Variants in GFPT1 observed in about 807,000 individuals in gnomAD.
The protein encoded by GFPT1 is glutamine--fructose-6-phosphate aminotransferase [isomerizing] 1.
GFPT1 carries 40 observed loss-of-function variants against 92.0 expected under a neutral mutation model. The ratio of observed to expected loss-of-function variants is 0.43; its 90% confidence interval spans 0.34 to 0.57. The LOEUF is 0.57. GFPT1 is among the 20% of genes least tolerant of loss of function. GFPT1 has a pLI of 0.02. For synonymous variants in GFPT1, 269 were observed against 280.6 expected (o/e 0.96, Z 0.41); for missense variants, 448 against 869.1 (o/e 0.52, Z 6.09).
chr2:69,362,023 C>G (rs1671484531), intron 4 of GFPT1, among the ~76,000 whole-genome samples: 1 of 152,080 alleles, frequency 6.6e-6, no homozygotes, highest in Admixed American at 6.6e-5. Flanking sequence ...TACACACATA[C>G]ACACTTTTGT....
At position 69,321,659 on chromosome 2, in the gene GFPT1, C is replaced by T. The variant is rs540786346; in HGVS notation, c.*4530G>A. The T allele has an allele frequency of 2.0e-5, 3 of 152,128 alleles. No individual in the cohort carries two copies. Among genetic ancestry groups the T allele is most frequent in the Non-Finnish European group, 4.4e-5 (3 of 68,012 alleles). The allele number at this position is 152,128 out of a possible 1,614,324, so 9.4% of individuals were successfully genotyped here. On this transcript the variant is annotated 3_prime_UTR_variant, in exon 20 of 20. Coordinates refer to ENST00000357308, the MANE Select transcript of GFPT1 (RefSeq NM_001244710.2). The stretch of plus-strand genomic sequence containing the variant: ...AAAACTGAAACAAAGCAAAGATGAT[C>T]CTAAAATTTCCACTTCTCAAGAAGT...
At chr2:69,355,162 T>G (rs939572061) in intron 7 of GFPT1, among the ~76,000 whole-genome samples, 1 of 152,116 alleles carries the variant, frequency 6.6e-6, no homozygotes, top group Non-Finnish European at 1.5e-5. Flanking sequence ...ACTGCAGCCT[T>G]GACCTCCTGG....
intron 5 of GFPT1, 93 bp downstream of exon 5, chr2:69,359,175 T>C (rs1671410195): frequency 1.3e-6 from 1 of 772,760 alleles, no homozygotes; most frequent in African/African-American, 1.7e-5. Context: ...ATGACACACA[T>C]ATGGTGTTTG....
At chr2:69,340,623 C>A (rs578155568) in intron 13 of GFPT1, among the ~76,000 whole-genome samples, 1 of 151,542 alleles carries the variant, frequency 6.6e-6, no homozygotes. Context: ...AGAGTGTAGT[C>A]AGTTATTCAG....
intron 13 of GFPT1, among the ~76,000 whole-genome samples, chr2:69,339,792 G>A (rs1329230722): frequency 6.6e-6 from 1 of 151,976 alleles, no homozygotes; most frequent in Non-Finnish European, 1.5e-5. Context: ...CTTTGATTTG[G>A]CATTTTTTAA....
intron 9 of GFPT1, 106 bp from the exon 10 acceptor site, chr2:69,350,289 A>G: frequency 1.3e-6 from 1 of 787,606 alleles, no homozygotes; most frequent in East Asian, 2.7e-5. Flanking sequence ...TAGCAACACA[A>G]AACAATTTTA....
At chr2:69,343,458 T>C (rs1455385241) in intron 12 of GFPT1, among the ~76,000 whole-genome samples, 2 of 151,866 alleles carry the variant, frequency 1.3e-5, no homozygotes, top group Admixed American at 6.6e-5. Flanking sequence ...TAGCCCAAGC[T>C]GGAGTGCAGT....
intron 12 of GFPT1, among the ~76,000 whole-genome samples, chr2:69,343,363 T>C (rs1671001825): frequency 6.6e-6 from 1 of 151,686 alleles, no homozygotes; most frequent in African/African-American, 2.4e-5. Flanking sequence ...CTGCTCTCTC[T>C]GAACCATTTT....
chr2:69,340,031 AAGAT>A (rs1347178781), intron 13 of GFPT1, among the ~76,000 whole-genome samples: 1 of 152,128 alleles, frequency 6.6e-6, no homozygotes, highest in Non-Finnish European at 1.5e-5. Flanking sequence ...AGAAGAGAGA[AAGAT>A]AGAAATCTGG....
At position 69,387,191 on chromosome 2, in the gene GFPT1, C is replaced by A; in HGVS notation, c.-120G>T. ...GGCCGGGGTGGCGCCGACACGACTC[C>A]CTCGGGGATGCGACGGCCAAGGCAA... is the stretch of plus-strand genomic sequence containing the variant. On this transcript the variant is annotated 5_prime_UTR_variant, in exon 1 of 20. Transcript: ENST00000357308. 1 of 1,143,128 alleles carries A rather than the reference C, an allele frequency of 8.7e-7. No individual in the cohort carries two copies. The highest frequency in any genetic ancestry group is 1.6e-5 in the South Asian group (1 of 64,044). The allele number at this position is 1,143,128 out of a possible 1,614,324, so 70.8% of individuals were successfully genotyped here. A position where few individuals can be genotyped will look rare whatever the true frequency, so the allele number is the denominator to read the frequency against.
Position 69,352,031 on chromosome 2 carries a change from G to A in GFPT1, c.740-1848C>T, listed in dbSNP as rs186205840. On this transcript the variant is annotated intron_variant, in intron 9 of 19. Coordinates refer to ENST00000357308, the MANE Select transcript of GFPT1 (RefSeq NM_001244710.2). ...AATCCCAGCACTTTGGGAGGCCGAG[G>A]TGGGCAGATCACTTGAGGTCAGGAG... is the stretch of plus-strand genomic sequence containing the variant. Among the ~76,000 whole-genome samples, 5 of 152,248 alleles carry A rather than the reference G, an allele frequency of 3.3e-5. No homozygotes were observed. The East Asian group carries it at 9.6e-4, about 29-fold the overall frequency.
intron 7 of GFPT1, 92 bp downstream of exon 7, chr2:69,356,404 T>TTTA: frequency 2.2e-6 from 2 of 904,062 alleles, no homozygotes; most frequent in Non-Finnish European, 3.8e-6. Flanking sequence ...GGGCAGAGCC[T>TTTA]TTATAATAAA....
intron 4 of GFPT1, among the ~76,000 whole-genome samples, chr2:69,362,118 G>A (rs1671488854): frequency 6.6e-6 from 1 of 152,130 alleles, no homozygotes; most frequent in African/African-American, 2.4e-5. Context: ...AGGGGAATAA[G>A]AGGAAACAGA....
chr2:69,375,889 G>A (rs181567845), intron 1 of GFPT1, among the ~76,000 whole-genome samples: 24 of 152,310 alleles, frequency 1.6e-4, no homozygotes, highest in South Asian at 1.2e-3. Flanking sequence ...GAGTGGTAGC[G>A]GCACAGCAAT....
At position 69,345,978 on chromosome 2, in the gene GFPT1, T is replaced by C. The variant is rs1445077565; in HGVS notation, c.1031A>G (p.Gln344Arg). ...CTCTGGCTGCTCAAATATTTCCTTC[T>C]GCATAAATGAACTGAAGTTGCCTAT... ...IMKGNFSSFM[Q>R]KEIFEQPESV... Residue 344 changes from glutamine to arginine, a missense_variant, in exon 12 of 20, where the codon CAG becomes CGG. By Grantham distance (43) the Gln-to-Arg change is conservative. Coordinates refer to ENST00000357308, the MANE Select transcript of GFPT1 (RefSeq NM_001244710.2). 1 of 1,603,838 alleles carries C rather than the reference T, an allele frequency of 6.2e-7. No individual in the cohort carries two copies. Among genetic ancestry groups the C allele is most frequent in the Non-Finnish European group, 8.5e-7 (1 of 1,170,616 alleles).
intron 15 of GFPT1, among the ~76,000 whole-genome samples, chr2:69,330,554 C>A (rs1670635374): frequency 6.8e-6 from 1 of 146,376 alleles, no homozygotes; most frequent in African/African-American, 2.5e-5. Context: ...TCCTCAATCC[C>A]AGTTTTATGT....
chr2:69,343,094 T>G (rs982078707), intron 12 of GFPT1, among the ~76,000 whole-genome samples: 1 of 152,186 alleles, frequency 6.6e-6, no homozygotes, highest in African/African-American at 2.4e-5. Context: ...TCCAATGAAG[T>G]CTGTCCTCTT....
intron 4 of GFPT1, among the ~76,000 whole-genome samples, chr2:69,363,129 T>C (rs1671516820): frequency 6.6e-6 from 1 of 151,982 alleles, no homozygotes; most frequent in Non-Finnish European, 1.5e-5. Flanking sequence ...CAGGGTCTCA[T>C]TCTGTTGTCC....
intron 2 of GFPT1, among the ~76,000 whole-genome samples, chr2:69,372,375 G>C (rs1414542327): frequency 2.6e-5 from 4 of 151,628 alleles, no homozygotes; most frequent in African/African-American, 9.7e-5. Flanking sequence ...TTCAAGACCA[G>C]CCTAGGCAAC....
Sources: gnomAD v4.1 joint callset for allele counts (sites outside exome capture counted in the v4.1 genomes callset) on GRCh38, gnomAD v4.1.1 for gene constraint, MANE v1.5 for transcripts, NCBI Gene and HGNC (gene_info 2026-07-23, HGNC 2026-07-21) for gene names.